The following PPP4R1 variants were observed in gnomAD, a reference collection of about 807,000 sequenced individuals.
PPP4R1 encodes the protein serine/threonine-protein phosphatase 4 regulatory subunit 1.
PPP4R1 carries 42 observed loss-of-function variants against 111.2 expected under a neutral mutation model. The observed-to-expected ratio is 0.38, with a 90% CI of 0.29 to 0.49. PPP4R1 has a LOEUF of 0.49. PPP4R1 is among the 20% of genes least tolerant of loss of function. The pLI is 0.97. For synonymous variants in PPP4R1, 409 were observed against 405.5 expected (o/e 1.01, Z -0.10); for missense variants, 1,012 against 1,161.6 (o/e 0.87, Z 1.87).
intron 18 of PPP4R1, 54 bp from the exon 19 acceptor site, chr18:9,549,392 C>T (rs1276460588): frequency 1.9e-5 from 29 of 1,536,770 alleles, no homozygotes; most frequent in South Asian, 2.4e-5. Context: ...GCCAAAAACT[C>T]GACTACTGGC....
At chr18:9,591,279 G>A (rs2067207425) in intron 4 of PPP4R1, among the ~76,000 whole-genome samples, 4 of 151,464 alleles carry the variant, frequency 2.6e-5, no homozygotes, top group African/African-American at 9.7e-5. Flanking sequence ...CCCAGGAGAA[G>A]AAGGTTGTAG....
chr18:9,595,280 T>A (rs2067273541), intron 2 of PPP4R1, 127 bp from the exon 3 acceptor site: 2 of 990,284 alleles, frequency 2.0e-6, no homozygotes, highest in South Asian at 3.7e-5. Context: ...ACTCTCAGAA[T>A]CAATCCAGAA....
upstream of PPP4R1, chr18:9,615,440 G>A (rs1448677240): frequency 6.6e-6 from 1 of 152,250 alleles, no homozygotes; most frequent in Non-Finnish European, 1.5e-5. Context: ...TGATGTCTAG[G>A]AGGTGCTCGG....
Position 9,553,312 on chromosome 18 carries a change from TA to T in PPP4R1, c.2291+9del. 1 of 1,544,388 alleles carries T rather than the reference TA, an allele frequency of 6.5e-7. No homozygotes were observed. Among genetic ancestry groups the T allele is most frequent in the Non-Finnish European group, 8.9e-7 (1 of 1,118,216 alleles). On this transcript the variant is annotated intron_variant, in intron 16 of 19. Coordinates refer to ENST00000400556, the MANE Select transcript of PPP4R1 (RefSeq NM_001042388.3). Reference sequence around the variant, plus strand: ...TCCAAAACATAATCTAATAAACTGTTAGAACTTACTCAGCCAGTTCAGCTCG... The same window carrying T: ...TCCAAAACATAATCTAATAAACTGTTGAACTTACTCAGCCAGTTCAGCTCG...
intron 10 of PPP4R1, among the ~76,000 whole-genome samples, chr18:9,574,486 A>T (rs2066907953): frequency 6.6e-6 from 1 of 152,140 alleles, no homozygotes; most frequent in South Asian, 2.1e-4. Context: ...TGTGCTAATA[A>T]TTTTTTTTCA....
chr18:9,552,179 G>GA (rs2066499876), intron 16 of PPP4R1, among the ~76,000 whole-genome samples: 1 of 152,134 alleles, frequency 6.6e-6, no homozygotes, highest in African/African-American at 2.4e-5. Context: ...AATATATAAA[G>GA]AACTCTTACA....
chr18:9,564,141 G>C (rs1374194511), intron 11 of PPP4R1, among the ~76,000 whole-genome samples: 1 of 152,200 alleles, frequency 6.6e-6, no homozygotes, highest in Non-Finnish European at 1.5e-5. Context: ...TTACCAGGCA[G>C]TGGTTCAAAA....
rs1371231997 is a variant in PPP4R1, at chr18:9,562,000, C to G, written c.1822G>C (p.Glu608Gln). 1 of 1,611,902 alleles carries G rather than the reference C, an allele frequency of 6.2e-7. No individual in the cohort carries two copies. The highest frequency in any genetic ancestry group is 1.1e-5 in the South Asian group (1 of 91,000). ...SNNSSFSPDE[E>Q]RRTKVQDVVP... The stretch of plus-strand genomic sequence containing the variant: ...CTTACTTGTACTTTAGTTCTCCTTT[C>G]CTCATCAGGGCTAAAACTGCTATTG... Residue 608 changes from glutamate to glutamine, a missense_variant, in exon 13 of 20, where the codon GAA becomes CAA. Coordinates refer to ENST00000400556, the MANE Select transcript of PPP4R1 (RefSeq NM_001042388.3).
At chr18:9,591,631 T>G (rs951086526) in intron 4 of PPP4R1, among the ~76,000 whole-genome samples, 1 of 152,246 alleles carries the variant, frequency 6.6e-6, no homozygotes, top group Non-Finnish European at 1.5e-5. Flanking sequence ...CAATAGTCTT[T>G]ATCTTACCCA....
chr18:9,572,800 G>A (rs932952840), intron 10 of PPP4R1, among the ~76,000 whole-genome samples: 6 of 152,136 alleles, frequency 3.9e-5, no homozygotes, highest in Non-Finnish European at 7.4e-5. Flanking sequence ...AAAAACATAC[G>A]TAAGTCATCT....
chr18:9,589,408 T>C (rs1300821982), intron 4 of PPP4R1, among the ~76,000 whole-genome samples: 1 of 152,182 alleles, frequency 6.6e-6, no homozygotes, highest in Non-Finnish European at 1.5e-5. Flanking sequence ...ATGTGAGAAA[T>C]ATGGCATTTC....
At chr18:9,594,521 A>G (rs1355614487) in intron 3 of PPP4R1, among the ~76,000 whole-genome samples, 1 of 152,174 alleles carries the variant, frequency 6.6e-6, no homozygotes, top group East Asian at 1.9e-4. Context: ...TAGTAGTATG[A>G]GTTTTGCATA....
At position 9,585,781 on chromosome 18, in the gene PPP4R1, C is replaced by A. The variant is rs138312278; in HGVS notation, c.586-953G>T. On this transcript the variant is annotated intron_variant, in intron 6 of 19. Coordinates refer to ENST00000400556, the MANE Select transcript of PPP4R1 (RefSeq NM_001042388.3). ...GGAAACATTTAAGAACAGTATCACT[C>A]ACAGAAGTACTTTTAAAAAATATGA... Among the ~76,000 whole-genome samples the A allele has an allele frequency of 3.1e-3, 466 of 152,246 alleles. 3 individuals are homozygous for A. The Middle Eastern group carries it at 0.031, about 10-fold the overall frequency.
At chr18:9,549,367 TTC>T in intron 18 of PPP4R1, 29 bp from the exon 19 acceptor site, 4 of 1,567,494 alleles carry the variant, frequency 2.6e-6, no homozygotes, top group East Asian at 4.6e-5. Flanking sequence ...TGCTCTAGGC[TTC>T]TCTGTCAATG....
chr18:9,614,278 G>C lies in PPP4R1; in HGVS notation c.8-8C>G, dbSNP rs1324311066. On this transcript the variant is annotated splice_region_variant and splice_polypyrimidine_tract_variant and intron_variant, in intron 1 of 19. Coordinates refer to ENST00000400556, the MANE Select transcript of PPP4R1 (RefSeq NM_001042388.3). This position sits in a 1 kb window ranked among gnomAD's most constrained non-coding sequence, Gnocchi z 4.1. ...CCTGAAGCAGCGAGAGGTCTGCGCC[G>C]AGGGGAGAGAAGAAAGGCCCGGTCA... The C allele has an allele frequency of 7.6e-7, 1 of 1,315,630 alleles. No homozygotes were observed. The allele number at this position is 1,315,630 out of a possible 1,614,324, so 81.5% of individuals were successfully genotyped here.
intron 11 of PPP4R1, among the ~76,000 whole-genome samples, chr18:9,569,587 CTG>C (rs2066826732): frequency 6.6e-6 from 1 of 152,050 alleles, no homozygotes. Flanking sequence ...ATCAACAAAT[CTG>C]TATAAATTAC....
chr18:9,555,948 A>T (rs145809984), intron 15 of PPP4R1, among the ~76,000 whole-genome samples: 13 of 151,244 alleles, frequency 8.6e-5, no homozygotes, highest in Non-Finnish European at 1.3e-4. Context: ...CATCCTGGCC[A>T]ACACGGTGAA....
intron 18 of PPP4R1, among the ~76,000 whole-genome samples, chr18:9,549,627 G>A (rs181825672): frequency 2.6e-5 from 4 of 152,306 alleles, no homozygotes; most frequent in Non-Finnish European, 2.9e-5. Context: ...AGTGGGAACC[G>A]TGGTATGGTA....
intron 6 of PPP4R1, chr18:9,587,445 C>T (rs2145211578): frequency 1.3e-5 from 2 of 149,772 alleles, no homozygotes; most frequent in East Asian, 3.9e-4. Context: ...TTCTGTCAAC[C>T]TGGCTGGAAT....
Sources: gnomAD v4.1 joint callset for allele counts (sites outside exome capture counted in the v4.1 genomes callset) on GRCh38, gnomAD v4.1.1 for gene constraint, Gnocchi (gnomAD v3.1) non-coding constraint, MANE v1.5 for transcripts, NCBI Gene and HGNC (gene_info 2026-07-23, HGNC 2026-07-21) for gene names.